Variants in PLD6 observed in about 807,000 individuals in gnomAD.
The protein encoded by PLD6 is phospholipase D family member 6.
PLD6 carries 10 observed loss-of-function variants against 9.7 expected under a neutral mutation model. The observed-to-expected ratio is 1.03, with a 90% confidence interval of 0.64 to 1.75. The LOEUF (loss-of-function observed/expected upper bound fraction) is 1.75. Ranked by LOEUF, PLD6 falls within the 40% of genes most tolerant of loss-of-function variation. The probability of loss-of-function intolerance (pLI) is 0.00; values close to 1 mark genes in which losing one functional copy is unlikely to be tolerated. For synonymous variants in PLD6, 152 were observed against 159.2 expected, an observed-to-expected ratio of 0.96 and a Z score of 0.34; for missense variants, 334 against 347.6, an observed-to-expected ratio of 0.96 and a Z score of 0.31.
intron 1 of PLD6, 28 bp from the exon 2 acceptor site, chr17:17,203,126 C>G (rs751848703): frequency 2.5e-6 from 4 of 1,600,996 alleles, no homozygotes; most frequent in Non-Finnish European, 2.6e-6. Context: ...TGATTTCATT[C>G]CATGCAGGAG....
Position 17,206,174 on chromosome 17 carries a change from C to CGCG in PLD6, c.110_112dup (p.Pro37dup). The CGCG allele has an allele frequency of 6.6e-7, 1 of 1,508,024 alleles. No individual in the cohort carries two copies. Among genetic ancestry groups the CGCG allele is most frequent in the Non-Finnish European group, 8.8e-7 (1 of 1,136,086 alleles). 93.4% of individuals were successfully genotyped at this position (1,508,024 alleles called of 1,614,324 possible). On this transcript the variant is annotated inframe_insertion, in exon 1 of 2. Transcript: ENST00000321560. Reference sequence around the variant, plus strand: ...AGACGGGAAGAACAGCGCCTCGCGCCGCGGCCGCCGCCGCCTGGACCGCAG... The same window carrying CGCG: ...AGACGGGAAGAACAGCGCCTCGCGCCGCGGCGGCCGCCGCCGCCTGGACCGCAG...
At position 17,202,556 on chromosome 17, in the gene PLD6, G is replaced by C; in HGVS notation, c.*211C>G. ...ATGAAAGCACCCCGTGGCAGGTCGT[G>C]ACTGAAGTTATTTTGGCAAAGGAGC... On this transcript the variant is annotated 3_prime_UTR_variant, in exon 2 of 2. Transcript: ENST00000321560. The C allele has an allele frequency of 1.7e-6, 1 of 592,202 alleles. No homozygotes were observed. Among genetic ancestry groups the C allele is most frequent in the Non-Finnish European group, 3.0e-6 (1 of 337,128 alleles). The allele number at this position is 592,202 out of a possible 1,614,324, so 36.7% of individuals were successfully genotyped here.
Position 17,206,107 on chromosome 17 carries a change from C to A in PLD6, c.180G>T (p.Ala60=), listed in dbSNP as rs1343389403. The A allele has an allele frequency of 1.4e-6, 2 of 1,479,732 alleles. No homozygotes were observed. Among genetic ancestry groups the A allele is most frequent in the African/African-American group, 1.5e-5 (1 of 67,830 alleles). The allele number at this position is 1,479,732 out of a possible 1,614,324, so 91.7% of individuals were successfully genotyped here. ...CTEALLRAPG[A]ELAELPEGCP... ...AGCCCTCGGGGAGCTCGGCCAGCTC[C>A]GCGCCCGGAGCCCGCAGCAGGGCCT... Residue 60 remains alanine, a synonymous_variant, in exon 1 of 2, where the codon GCG becomes GCT. Transcript: ENST00000321560.
Position 17,202,699 on chromosome 17 carries a change from C to G in PLD6, c.*68G>C, listed in dbSNP as rs2046684627. On this transcript the variant is annotated 3_prime_UTR_variant, in exon 2 of 2. Coordinates refer to ENST00000321560, the MANE Select transcript of PLD6 (RefSeq NM_178836.4). The stretch of plus-strand genomic sequence containing the variant: ...GAGACTTTAGTTTAACGATTTTTTT[C>G]TAGTGCCGAGGTCTCCCTCCCTCAG... 1 of 1,431,848 alleles carries G rather than the reference C, an allele frequency of 7.0e-7. No homozygotes were observed. Among genetic ancestry groups the G allele is most frequent in the Non-Finnish European group, 9.5e-7 (1 of 1,053,050 alleles). The allele number at this position is 1,431,848 out of a possible 1,614,324, so 88.7% of individuals were successfully genotyped here.
In PLD6 at chr17:17,202,906, T is replaced by A; in HGVS notation, c.620A>T (p.Glu207Val). ...LFLEEFERIW[E>V]QFNPTKYTFF... Reference sequence around the variant, plus strand: ...GGTATACTTTGTAGGGTTAAACTGTTCCCAGATGCGCTCAAATTCTTCCAG... The same window carrying A: ...GGTATACTTTGTAGGGTTAAACTGTACCCAGATGCGCTCAAATTCTTCCAG... Residue 207 changes from glutamate to valine, a missense_variant, in exon 2 of 2, where the codon GAA becomes GTA. By Grantham distance (121) the Glu-to-Val change is moderately radical. Transcript: ENST00000321560. 6.2e-7 allele frequency: 1 copy of A among 1,614,186 alleles called. No individual in the cohort carries two copies. The highest frequency in any genetic ancestry group is 8.5e-7 in the Non-Finnish European group (1 of 1,180,040).
chr17:17,205,074 A>G (rs1239670400), intron 1 of PLD6, among the ~76,000 whole-genome samples: 1 of 151,844 alleles, frequency 6.6e-6, no homozygotes. Flanking sequence ...TGAGTGATGG[A>G]GACAGAGACA....
chr17:17,203,498 T>A (rs756162691), intron 1 of PLD6, among the ~76,000 whole-genome samples: 1 of 152,242 alleles, frequency 6.6e-6, no homozygotes, highest in Non-Finnish European at 1.5e-5. Flanking sequence ...GCTGAGAGCG[T>A]GCCCACTCTG....
Position 17,206,237 on chromosome 17 carries a change from G to A in PLD6, c.50C>T (p.Ala17Val). The part of the protein sequence containing the change: ...QVAAAAAVGL[A>V]LTLEALPWVL... ...CCAAGGCAGCGCCTCCAGAGTCAGA[G>A]CCAGGCCCACAGCCGCCGCGGCCGC... is the stretch of plus-strand genomic sequence containing the variant. The change falls in exon 1 of 2, where the codon GCT (alanine) becomes GTT (valine). Residue 17 changes from alanine to valine, a missense_variant. Physicochemically the swap from Ala to Val is moderately conservative, Grantham distance 64 (BLOSUM62 0). Coordinates refer to ENST00000321560, the MANE Select transcript of PLD6 (RefSeq NM_178836.4). 6.5e-7 allele frequency: 1 copy of A among 1,545,582 alleles called. No homozygotes were observed.
At chr17:17,205,047 G>A (rs569579176) in intron 1 of PLD6, among the ~76,000 whole-genome samples, 1 of 150,060 alleles carries the variant, frequency 6.7e-6, no homozygotes, top group African/African-American at 2.5e-5. Context: ...ACGTGCAGGC[G>A]TGACTTTCTG....
Position 17,206,305 on chromosome 17 carries a change from C to A in PLD6, c.-19G>T. The A allele has an allele frequency of 6.6e-7, 1 of 1,510,864 alleles. No individual in the cohort carries two copies. The highest frequency in any genetic ancestry group is 8.8e-7 in the Non-Finnish European group (1 of 1,140,926). The allele number at this position is 1,510,864 out of a possible 1,614,324, so 93.6% of individuals were successfully genotyped here. ...GTCCCATGCCGCCGCTAATCCGGGA[C>A]CCACAGCCACGCCGCCGCAGCGGAG... On this transcript the variant is annotated 5_prime_UTR_variant, in exon 1 of 2. Coordinates refer to ENST00000321560, the MANE Select transcript of PLD6 (RefSeq NM_178836.4).
In PLD6 at chr17:17,202,694, T is replaced by C. The variant is rs974680680; in HGVS notation, c.*73A>G. ...TAGACGAGACTTTAGTTTAACGATT[T>C]TTTTCTAGTGCCGAGGTCTCCCTCC... On this transcript the variant is annotated 3_prime_UTR_variant, in exon 2 of 2. Transcript: ENST00000321560. 3.5e-6 allele frequency: 5 copies of C among 1,422,312 alleles called. No individual in the cohort carries two copies. Among genetic ancestry groups the C allele is most frequent in the Non-Finnish European group, 4.8e-6 (5 of 1,044,976 alleles). The allele number at this position is 1,422,312 out of a possible 1,614,324, so 88.1% of individuals were successfully genotyped here. A position where few individuals can be genotyped will look rare whatever the true frequency, so the allele number is the denominator to read the frequency against.
chr17:17,202,690 G>C lies in PLD6; in HGVS notation c.*77C>G. ...CTAATAGACGAGACTTTAGTTTAAC[G>C]ATTTTTTTCTAGTGCCGAGGTCTCC... On this transcript the variant is annotated 3_prime_UTR_variant, in exon 2 of 2. Coordinates refer to ENST00000321560, the MANE Select transcript of PLD6 (RefSeq NM_178836.4). The C allele has an allele frequency of 2.2e-6, 3 of 1,389,530 alleles. No homozygotes were observed. The highest frequency in any genetic ancestry group is 3.0e-6 in the Non-Finnish European group (3 of 1,016,604). 86.1% of individuals were successfully genotyped at this position (1,389,530 alleles called of 1,614,324 possible). A position where few individuals can be genotyped will look rare whatever the true frequency, so the allele number is the denominator to read the frequency against.
Position 17,205,921 on chromosome 17 carries a change from G to A in PLD6, c.366C>T (p.Val122=). The A allele has an allele frequency of 1.9e-6, 3 of 1,570,454 alleles. No individual in the cohort carries two copies. The highest frequency in any genetic ancestry group is 2.6e-6 in the Non-Finnish European group (3 of 1,158,664). The stretch of plus-strand genomic sequence containing the variant: ...GGGCCATGTAGTCGCAGTCGGTGAC[G>A]ACCCGCACTCGCACCCCACGCTGGT... The part of the protein sequence containing the change: ...LLHQRGVRVR[V]VTDCDYMALN... Residue 122 remains valine, a synonymous_variant, in exon 1 of 2, where the codon GTC becomes GTT. Transcript: ENST00000321560.
Position 17,206,287 on chromosome 17 carries a change from GCCGCCGCTAAT to G in PLD6, c.-12_-2del. On this transcript the variant is annotated 5_prime_UTR_variant, in exon 1 of 2. Coordinates refer to ENST00000321560, the MANE Select transcript of PLD6 (RefSeq NM_178836.4). ...CCACCTGCCAACTCAACCGTCCCAT[GCCGCCGCTAAT>G]CCGGGACCCACAGCCACGCCGCCGC... The G allele has an allele frequency of 2.6e-6, 4 of 1,529,786 alleles. No homozygotes were observed. Among genetic ancestry groups the G allele is most frequent in the Non-Finnish European group, 3.5e-6 (4 of 1,149,920 alleles). 94.8% of individuals were successfully genotyped at this position (1,529,786 alleles called of 1,614,324 possible).
chr17:17,202,894 G>C lies in PLD6; in HGVS notation c.632C>G (p.Pro211Arg). 6.2e-7 allele frequency: 1 copy of C among 1,614,206 alleles called. No homozygotes were observed. Among genetic ancestry groups the C allele is most frequent in the Non-Finnish European group, 8.5e-7 (1 of 1,180,054 alleles). The part of the protein sequence containing the change: ...EFERIWEQFN[P>R]TKYTFFPPKK... The stretch of plus-strand genomic sequence containing the variant: ...TGGTGGGAAAAAGGTATACTTTGTA[G>C]GGTTAAACTGTTCCCAGATGCGCTC... Residue 211 changes from proline to arginine, a missense_variant, in exon 2 of 2, where the codon CCT (proline) becomes CGT (arginine). Physicochemically the swap from Pro to Arg is moderately radical, Grantham distance 103 (BLOSUM62 -2). Transcript: ENST00000321560.
At chr17:17,205,709 G>A (rs889669455) in intron 1 of PLD6, 151 bp downstream of exon 1, 1 of 939,348 alleles carries the variant, frequency 1.1e-6, no homozygotes, top group Non-Finnish European at 1.6e-6. Flanking sequence ...TGCTTTCTCC[G>A]CGTTACACCA....
In PLD6 at chr17:17,205,983, A is replaced by AG. The variant is rs1019361033; in HGVS notation, c.303dup (p.Ser102LeufsTer102). 6.4e-7 allele frequency: 1 copy of AG among 1,553,658 alleles called. No homozygotes were observed. The highest frequency in any genetic ancestry group is 1.4e-5 in the African/African-American group (1 of 73,478). ...ACGGCGCGGCCCAGCTGCGGGCTGG[A>AG]GAAGGCGAACAGGCAGAGATCCAGG... is the stretch of plus-strand genomic sequence containing the variant. On this transcript the variant is annotated frameshift_variant, in exon 1 of 2. Transcript: ENST00000321560. LOFTEE classifies it high-confidence loss of function.
rs1258222595 is a variant in PLD6, at chr17:17,201,667, C to G, written c.*1100G>C. On this transcript the variant is annotated 3_prime_UTR_variant, in exon 2 of 2. Coordinates refer to ENST00000321560, the MANE Select transcript of PLD6 (RefSeq NM_178836.4). ...ACTTCTAAACACACAACAAAATTAC[C>G]TTAACATTAGGACATTAAAAGTTAA... 6.6e-6 allele frequency: 1 copy of G among 152,218 alleles called. No homozygotes were observed. Among genetic ancestry groups the G allele is most frequent in the East Asian group, 1.9e-4 (1 of 5,202 alleles). 9.4% of individuals were successfully genotyped at this position (152,218 alleles called of 1,614,324 possible). A position where few individuals can be genotyped will look rare whatever the true frequency, so the allele number is the denominator to read the frequency against.
chr17:17,202,518 A>T lies in PLD6; in HGVS notation c.*249T>A, dbSNP rs1366883998. On this transcript the variant is annotated 3_prime_UTR_variant, in exon 2 of 2. Coordinates refer to ENST00000321560, the MANE Select transcript of PLD6 (RefSeq NM_178836.4). ...AGAAGTTTCGATTCCAAACCAAGAT[A>T]CGGACCACACTCATGAAAGCACCCC... is the stretch of plus-strand genomic sequence containing the variant. The T allele has an allele frequency of 2.0e-6, 1 of 510,548 alleles. No homozygotes were observed. The highest frequency in any genetic ancestry group is 3.4e-5 in the East Asian group (1 of 29,430). The allele number at this position is 510,548 out of a possible 1,614,324, so 31.6% of individuals were successfully genotyped here. A position where few individuals can be genotyped will look rare whatever the true frequency, so the allele number is the denominator to read the frequency against.
Sources: gnomAD v4.1 joint callset for allele counts (sites outside exome capture counted in the v4.1 genomes callset) on GRCh38, gnomAD v4.1.1 for gene constraint, MANE v1.5 for transcripts, NCBI Gene and HGNC (gene_info 2026-07-23, HGNC 2026-07-21) for gene names.